RAB31: variants seen among roughly 807,000 people sequenced by gnomAD.
RAB31 encodes RAB31, member RAS oncogene family.
RAB31 carries 21 observed loss-of-function variants against 25.6 expected under a neutral mutation model. The observed-to-expected ratio is 0.82, with a 90% confidence interval of 0.58 to 1.18. The LOEUF is 1.18. Among genes scored for constraint, RAB31 ranks in the 50% most tolerant of loss-of-function variants. The pLI, the probability that RAB31 is intolerant of heterozygous loss-of-function variation, is 0.00. For synonymous variants in RAB31, 87 were observed against 84.0 expected (o/e 1.04, Z -0.20); for missense variants, 196 against 250.1 (o/e 0.78, Z 1.46).
intron 5 of RAB31, among the ~76,000 whole-genome samples, chr18:9,817,240 G>A (rs1310742752): frequency 6.6e-6 from 1 of 152,220 alleles, no homozygotes; most frequent in Non-Finnish European, 1.5e-5. Context: ...ACTAATGTGC[G>A]CCTTTAAGTG....
chr18:9,829,339 G>A (rs548783981), intron 5 of RAB31, among the ~76,000 whole-genome samples: 5 of 152,190 alleles, frequency 3.3e-5, no homozygotes, highest in Admixed American at 6.5e-5. Flanking sequence ...ACGTGATGAC[G>A]TGTCGTTCAC....
At chr18:9,849,490 A>G (rs917409856) in intron 6 of RAB31, 6 of 152,266 alleles carry the variant, frequency 3.9e-5, no homozygotes, top group African/African-American at 1.4e-4. Context: ...ATTCACAAAT[A>G]TATACTGTAC....
chr18:9,843,246 T>C (rs1003792896), intron 5 of RAB31, among the ~76,000 whole-genome samples: 3 of 152,158 alleles, frequency 2.0e-5, no homozygotes, highest in African/African-American at 4.8e-5. Context: ...TGTGCTTTGA[T>C]AAAGACTTCA....
Position 9,766,804 on chromosome 18 carries a change from A to G in RAB31, c.40-8474A>G, listed in dbSNP as rs1169949763. 6.6e-6 allele frequency among the ~76,000 whole-genome samples: 1 copy of G among 152,144 alleles called. No homozygotes were observed. Among genetic ancestry groups the G allele is most frequent in the Non-Finnish European group, 1.5e-5 (1 of 68,020 alleles). ...CTCATCTCTACCAAAATAAAAATAA[A>G]AAATTAGCCTAGCATGGTGGTGTGC... On this transcript the variant is annotated intron_variant, in intron 1 of 6. Coordinates refer to ENST00000578921, the MANE Select transcript of RAB31 (RefSeq NM_006868.4). The surrounding 1 kb of genome is among the most constrained non-coding windows in gnomAD (Gnocchi z 4.3).
At chr18:9,832,557 G>A (rs1393226209) in intron 5 of RAB31, among the ~76,000 whole-genome samples, 1 of 152,224 alleles carries the variant, frequency 6.6e-6, no homozygotes, top group African/African-American at 2.4e-5. Context: ...AAAGGCCAGA[G>A]CAGGCAGGGG....
At chr18:9,730,482 G>A (rs898222602) in intron 1 of RAB31, among the ~76,000 whole-genome samples, 1 of 151,964 alleles carries the variant, frequency 6.6e-6, no homozygotes, top group African/African-American at 2.4e-5. Flanking sequence ...TAGAGACAGG[G>A]TCTCACCGTG....
chr18:9,794,550 C>G (rs1275931761), intron 3 of RAB31, among the ~76,000 whole-genome samples: 1 of 152,170 alleles, frequency 6.6e-6, no homozygotes, highest in East Asian at 1.9e-4. Context: ...GGCACCGTGG[C>G]TCATGCCTGC....
intron 1 of RAB31, among the ~76,000 whole-genome samples, chr18:9,768,765 T>G (rs1179619996): frequency 6.6e-6 from 1 of 152,202 alleles, no homozygotes; most frequent in Non-Finnish European, 1.5e-5. Flanking sequence ...TCATGAAGTC[T>G]TTGCCCATGC....
At chr18:9,805,745 G>T (rs567397053) in intron 3 of RAB31, among the ~76,000 whole-genome samples, 7 of 152,330 alleles carry the variant, frequency 4.6e-5, no homozygotes, top group African/African-American at 1.7e-4. Flanking sequence ...TTGAATGAAT[G>T]AATACATTTG....
intron 5 of RAB31, among the ~76,000 whole-genome samples, chr18:9,822,255 A>G (rs2068627902): frequency 6.6e-6 from 1 of 152,230 alleles, no homozygotes; most frequent in Non-Finnish European, 1.5e-5. Flanking sequence ...GAGTAATCGG[A>G]CATCAATAGG....
In RAB31 at chr18:9,766,708, A is replaced by G. The variant is rs1391126886; in HGVS notation, c.40-8570A>G. On this transcript the variant is annotated intron_variant, in intron 1 of 6. Transcript: ENST00000578921. This position sits in a 1 kb window ranked among gnomAD's most constrained non-coding sequence, Gnocchi z 4.3. ...CATGGCTCACACCGGTAATCTCAGC[A>G]CTTTGGGAGGCTGAGGTGGGGATCG... Among the ~76,000 whole-genome samples the G allele has an allele frequency of 6.6e-6, 1 of 152,202 alleles. No individual in the cohort carries two copies. The highest frequency in any genetic ancestry group is 1.5e-5 in the Non-Finnish European group (1 of 68,038).
intron 1 of RAB31, among the ~76,000 whole-genome samples, chr18:9,731,319 C>T (rs1317329365): frequency 6.6e-6 from 1 of 152,214 alleles, no homozygotes; most frequent in African/African-American, 2.4e-5. Context: ...GTCTTTTCTT[C>T]CATTTTGCTG....
intron 2 of RAB31, chr18:9,787,713 G>C (rs1283997231): frequency 6.5e-6 from 1 of 153,042 alleles, no homozygotes; most frequent in Admixed American, 6.5e-5. Flanking sequence ...ACCCTTCATC[G>C]TGAGTTCAAG....
At position 9,858,525 on chromosome 18, in the gene RAB31, C is replaced by T. The variant is rs1032743488; in HGVS notation, c.491-703C>T. Among the ~76,000 whole-genome samples the T allele has an allele frequency of 6.6e-5, 10 of 152,336 alleles. No individual in the cohort carries two copies. In the East Asian group the frequency reaches 1.9e-3, roughly 29 times the overall value. ...TCATAAAGAAACCCATACCCTTTAG[C>T]TGTCATCTCCCTGGCCCCTTCCATT... On this transcript the variant is annotated intron_variant, in intron 6 of 6. Coordinates refer to ENST00000578921, the MANE Select transcript of RAB31 (RefSeq NM_006868.4).
intron 1 of RAB31, among the ~76,000 whole-genome samples, chr18:9,734,605 G>A (rs184971729): frequency 7.2e-5 from 11 of 152,254 alleles, no homozygotes; most frequent in Admixed American, 7.2e-4. Context: ...GGCAGGCAGG[G>A]TGCAGAAAGG....
At chr18:9,721,002 A>T (rs2068071262) in intron 1 of RAB31, among the ~76,000 whole-genome samples, 1 of 152,116 alleles carries the variant, frequency 6.6e-6, no homozygotes, top group Non-Finnish European at 1.5e-5. Flanking sequence ...GTGGTCCATC[A>T]TGGGAGGGCA....
chr18:9,764,101 A>G (rs1278200655), intron 1 of RAB31, among the ~76,000 whole-genome samples: 1 of 152,150 alleles, frequency 6.6e-6, no homozygotes, highest in African/African-American at 2.4e-5. Context: ...AGTTCAATGG[A>G]AAAACGCATA....
chr18:9,850,204 A>G (rs2068782195), intron 6 of RAB31, among the ~76,000 whole-genome samples: 2 of 152,214 alleles, frequency 1.3e-5, no homozygotes, highest in Admixed American at 6.5e-5. Context: ...TGGCATAGGA[A>G]CAAGTGATCT....
At chr18:9,739,995 G>A (rs896458620) in intron 1 of RAB31, among the ~76,000 whole-genome samples, 7 of 152,332 alleles carry the variant, frequency 4.6e-5, no homozygotes, top group African/African-American at 1.7e-4. Flanking sequence ...CTTGGCTAGA[G>A]CTTTGATCTG....
Sources: allele counts gnomAD v4.1 joint callset (sites outside exome capture counted in the v4.1 genomes callset), GRCh38; gene constraint gnomAD v4.1.1; non-coding constraint Gnocchi (gnomAD v3.1); transcripts MANE v1.5; gene names NCBI Gene and HGNC (gene_info 2026-07-23, HGNC 2026-07-21).